Variants in SYCE1L observed in about 807,000 individuals in gnomAD.
SYCE1L encodes the protein synaptonemal complex central element protein 1 like.
A neutral mutation model predicts 39.6 loss-of-function variants in SYCE1L; 51 were observed. That is an observed-to-expected ratio of 1.29 (90% CI 1.03 to 1.63). The LOEUF is 1.63. Ranked by LOEUF, SYCE1L falls within the 40% of genes most tolerant of loss-of-function variation. SYCE1L has a pLI of 0.00. For missense variants in SYCE1L, 426 were observed against 304.9 expected (o/e 1.40, Z -2.96); for synonymous variants, 147 against 122.4 (o/e 1.20, Z -1.33).
In SYCE1L at chr16:77,199,440, C is replaced by G. The variant is rs1342971073; in HGVS notation, c.-12C>G. The G allele has an allele frequency of 8.4e-6, 13 of 1,551,512 alleles. No individual in the cohort carries two copies. The highest frequency in any genetic ancestry group is 1.1e-5 in the Non-Finnish European group (13 of 1,146,966). On this transcript the variant is annotated 5_prime_UTR_variant, in exon 1 of 11. Transcript: ENST00000378644. ...ATCAAGCGAGGCTCGCGCGCAGGCC[C>G]CGCGTTGGAAAATGGCGGGGAAGCT...
At chr16:77,203,093 GAA>G (rs2054758349) in intron 1 of SYCE1L, among the ~76,000 whole-genome samples, 1 of 152,316 alleles carries the variant, frequency 6.6e-6, no homozygotes, top group South Asian at 2.1e-4. Flanking sequence ...ATTAAGGAGA[GAA>G]GAGAAAATTT....
chr16:77,212,853 G>A lies in SYCE1L; in HGVS notation c.655-4G>A. On this transcript the variant is annotated splice_region_variant and splice_polypyrimidine_tract_variant and intron_variant, in intron 10 of 10. Transcript: ENST00000378644. Reference sequence around the variant, plus strand: ...GGTCCGCAGCCTCACCCAGCCCCCGGCAGGCCGGACCTGAGCTCCCCCGCG... The same window carrying A: ...GGTCCGCAGCCTCACCCAGCCCCCGACAGGCCGGACCTGAGCTCCCCCGCG... The A allele has an allele frequency of 6.7e-7, 1 of 1,495,286 alleles. No homozygotes were observed. Among genetic ancestry groups the A allele is most frequent in the Admixed American group, 2.2e-5 (1 of 46,452 alleles). 92.6% of individuals were successfully genotyped at this position (1,495,286 alleles called of 1,614,324 possible).
At chr16:77,205,676 G>A (rs1289527787) in intron 1 of SYCE1L, among the ~76,000 whole-genome samples, 1 of 152,048 alleles carries the variant, frequency 6.6e-6, no homozygotes, top group Non-Finnish European at 1.5e-5. Flanking sequence ...GTCATTTAAT[G>A]TGTTTTCCTG....
chr16:77,213,076 C>A lies in SYCE1L; in HGVS notation c.*145C>A. 2 of 864,990 alleles carry A rather than the reference C, an allele frequency of 2.3e-6. No homozygotes were observed. The highest frequency in any genetic ancestry group is 3.2e-6 in the Non-Finnish European group (2 of 634,414). 53.6% of individuals were successfully genotyped at this position (864,990 alleles called of 1,614,324 possible). ...GGCGTGCTGGGATCTCGAGGCGGGG[C>A]CTCTGCCGGACCCCTCCCACCAGTC... On this transcript the variant is annotated 3_prime_UTR_variant, in exon 11 of 11. Coordinates refer to ENST00000378644, the MANE Select transcript of SYCE1L (RefSeq NM_001129979.3).
At chr16:77,211,108 C>T in intron 6 of SYCE1L, 105 bp from the exon 7 acceptor site, 1 of 1,280,486 alleles carries the variant, frequency 7.8e-7, no homozygotes, top group Non-Finnish European at 1.1e-6. Flanking sequence ...AAGGGGCTCC[C>T]AGCAGAGGGA....
chr16:77,209,526 G>A (rs2142518761), intron 6 of SYCE1L, 55 bp downstream of exon 6: 2 of 1,539,648 alleles, frequency 1.3e-6, no homozygotes, highest in Non-Finnish European at 1.8e-6. Flanking sequence ...GAAAAAGGAG[G>A]GAGCAAGAGC....
In SYCE1L at chr16:77,213,043, C is replaced by CG; in HGVS notation, c.*116dup. 9.1e-7 allele frequency: 1 copy of CG among 1,103,178 alleles called. No individual in the cohort carries two copies. Among genetic ancestry groups the CG allele is most frequent in the East Asian group, 3.2e-5 (1 of 31,228 alleles). The allele number at this position is 1,103,178 out of a possible 1,614,324, so 68.3% of individuals were successfully genotyped here. On this transcript the variant is annotated 3_prime_UTR_variant, in exon 11 of 11. Transcript: ENST00000378644. Reference sequence around the variant, plus strand: ...GCGGAGTCTGTGCTACACCGTGGAGCGGGGCGGGGCGTGCTGGGATCTCGA... The same window carrying CG: ...GCGGAGTCTGTGCTACACCGTGGAGCGGGGGCGGGGCGTGCTGGGATCTCGA...
intron 1 of SYCE1L, among the ~76,000 whole-genome samples, chr16:77,205,234 A>C (rs1362925399): frequency 6.6e-6 from 1 of 151,508 alleles, no homozygotes; most frequent in East Asian, 1.9e-4. Context: ...TTCTTCATTA[A>C]CTTTTTGGCT....
rs570358388 is a variant in SYCE1L at position 77,208,612 on chromosome 16, G to A, written c.256+73G>A. The A allele has an allele frequency of 4.9e-6, 7 of 1,425,986 alleles. No individual in the cohort carries two copies. The African/African-American group carries it at 8.6e-5, about 17-fold the overall frequency. 88.3% of individuals were successfully genotyped at this position (1,425,986 alleles called of 1,614,324 possible). A position where few individuals can be genotyped will look rare whatever the true frequency, so the allele number is the denominator to read the frequency against. On this transcript the variant is annotated intron_variant, in intron 4 of 10. Coordinates refer to ENST00000378644, the MANE Select transcript of SYCE1L (RefSeq NM_001129979.3). ...TGCATACCTCAGGGCCTTTGCACAG[G>A]CTGCTCCCTGGCCTACAATGCTCTT... is the stretch of plus-strand genomic sequence containing the variant.
At position 77,212,754 on chromosome 16, in the gene SYCE1L, C is replaced by G. The variant is rs1001721085; in HGVS notation, c.655-103C>G. 2.1e-6 allele frequency: 3 copies of G among 1,419,134 alleles called. No homozygotes were observed. In the African/African-American group the frequency reaches 4.4e-5, roughly 21 times the overall value. 87.9% of individuals were successfully genotyped at this position (1,419,134 alleles called of 1,614,324 possible). A position where few individuals can be genotyped will look rare whatever the true frequency, so the allele number is the denominator to read the frequency against. On this transcript the variant is annotated intron_variant, in intron 10 of 10. Coordinates refer to ENST00000378644, the MANE Select transcript of SYCE1L (RefSeq NM_001129979.3). ...AGAGTGGGGTCTGTGGGGAGCAGGG[C>G]GGCCCCGGGGACAGAGGAAGCCGCG...
rs1429129180 is a variant in SYCE1L at position 77,212,649 on chromosome 16, A to G, written c.654+3A>G. ...AGGTCGGGGCCGGCGAGGGAGAGGT[A>G]GGGAGCCCGAGGAAGGGAGGCGGGG... On this transcript the variant is annotated splice_donor_region_variant and intron_variant, in intron 10 of 10. Transcript: ENST00000378644. 6.5e-7 allele frequency: 1 copy of G among 1,532,318 alleles called. No individual in the cohort carries two copies. Among genetic ancestry groups the G allele is most frequent in the South Asian group, 1.2e-5 (1 of 83,746 alleles). 94.9% of individuals were successfully genotyped at this position (1,532,318 alleles called of 1,614,324 possible). A position where few individuals can be genotyped will look rare whatever the true frequency, so the allele number is the denominator to read the frequency against.
intron 7 of SYCE1L, among the ~76,000 whole-genome samples, chr16:77,211,902 G>C (rs1156270763): frequency 6.6e-6 from 1 of 152,128 alleles, no homozygotes; most frequent in Non-Finnish European, 1.5e-5. Context: ...AGGATGAGGA[G>C]AGTGGGAAGA....
intron 3 of SYCE1L, 71 bp downstream of exon 3, chr16:77,208,340 C>T (rs905513224): frequency 2.1e-5 from 33 of 1,539,792 alleles, no homozygotes; most frequent in Non-Finnish European, 2.7e-5. Context: ...GAATCCACCT[C>T]CTCATCTATA....
At chr16:77,201,188 C>G (rs1204585178) in intron 1 of SYCE1L, 1 of 152,142 alleles carries the variant, frequency 6.6e-6, no homozygotes, top group Non-Finnish European at 1.5e-5. Flanking sequence ...GAAATAACTT[C>G]AAGAGCAGAG....
intron 1 of SYCE1L, among the ~76,000 whole-genome samples, chr16:77,204,110 G>A (rs940188478): frequency 1.3e-5 from 2 of 152,082 alleles, no homozygotes; most frequent in Admixed American, 6.5e-5. Context: ...TACTTGCCTG[G>A]TAAGAGTATG....
At chr16:77,201,945 T>G (rs1383231894) in intron 1 of SYCE1L, 1 of 152,174 alleles carries the variant, frequency 6.6e-6, no homozygotes, top group Non-Finnish European at 1.5e-5. Context: ...CTGTGTATGT[T>G]GCACAGAAAA....
chr16:77,212,563 C>G lies in SYCE1L; in HGVS notation c.582-11C>G, dbSNP rs2054832460. The G allele has an allele frequency of 2.6e-6, 4 of 1,536,690 alleles. No homozygotes were observed. The highest frequency in any genetic ancestry group is 3.9e-5 in the Admixed American group (2 of 50,974). ...TCTCTTCCTCCTGTCTCCTCGGCCC[C>G]TTCTCCGCAGGCTGAAGGCGGAGCT... is the stretch of plus-strand genomic sequence containing the variant. On this transcript the variant is annotated splice_polypyrimidine_tract_variant and intron_variant, in intron 9 of 10. Coordinates refer to ENST00000378644, the MANE Select transcript of SYCE1L (RefSeq NM_001129979.3).
At chr16:77,201,403 T>C (rs1171930166) in intron 1 of SYCE1L, 2 of 152,184 alleles carry the variant, frequency 1.3e-5, no homozygotes, top group East Asian at 3.9e-4. Context: ...AATTGAAGGA[T>C]GTATCAAGTT....
At chr16:77,206,707 G>A (rs143464009) in intron 2 of SYCE1L, among the ~76,000 whole-genome samples, 26 of 151,280 alleles carry the variant, frequency 1.7e-4, no homozygotes, top group Admixed American at 5.9e-4. Flanking sequence ...CAGTTCCCCC[G>A]CCATCCCTAC....
Sources: allele counts gnomAD v4.1 joint callset (sites outside exome capture counted in the v4.1 genomes callset), GRCh38; gene constraint gnomAD v4.1.1; transcripts MANE v1.5; gene names NCBI Gene and HGNC (gene_info 2026-07-23, HGNC 2026-07-21).